CPQ: variants seen among roughly 807,000 people sequenced by gnomAD.
CPQ encodes Ser-Met dipeptidase.
Under a neutral mutation model 45.7 loss-of-function variants are expected in CPQ, and 37 were observed. The ratio of observed to expected loss-of-function variants is 0.81; its 90% CI spans 0.62 to 1.07. CPQ has a LOEUF of 1.07. Ranked by LOEUF, CPQ falls within the 50% of genes least tolerant of loss-of-function variation. CPQ has a pLI of 0.00. For synonymous variants in CPQ, 186 were observed against 205.8 expected, an observed-to-expected ratio of 0.90 and a Z score of 0.82; for missense variants, 537 against 572.9, an observed-to-expected ratio of 0.94 and a Z score of 0.64.
chr8:96,958,471 T>A (rs547788313), intron 4 of CPQ, among the ~76,000 whole-genome samples: 31 of 152,268 alleles, frequency 2.0e-4, no homozygotes, highest in Non-Finnish European at 3.5e-4. Flanking sequence ...TCCAGTTGCA[T>A]CAAATCATGA....
At chr8:96,921,362 G>C (rs943596582) in intron 4 of CPQ, among the ~76,000 whole-genome samples, 2 of 152,190 alleles carry the variant, frequency 1.3e-5, no homozygotes, top group Non-Finnish European at 2.9e-5. Context: ...TCTCAAAAGA[G>C]AGCATTTTTA....
chr8:96,724,609 C>G (rs1809811156), intron 1 of CPQ, among the ~76,000 whole-genome samples: 1 of 151,846 alleles, frequency 6.6e-6, no homozygotes, highest in Non-Finnish European at 1.5e-5. Context: ...TCATAGATAA[C>G]ATAAGCATAT....
intron 4 of CPQ, among the ~76,000 whole-genome samples, chr8:96,904,606 C>A (rs1488752626): frequency 6.6e-6 from 1 of 152,132 alleles, no homozygotes; most frequent in Non-Finnish European, 1.5e-5. Context: ...TGCTGATCAT[C>A]AGAATCACCA....
At chr8:96,735,080 C>G (rs1248506033) in intron 1 of CPQ, among the ~76,000 whole-genome samples, 2 of 152,038 alleles carry the variant, frequency 1.3e-5, no homozygotes, top group African/African-American at 4.8e-5. Context: ...CTTTTGGGCC[C>G]CATCCTGTAT....
chr8:96,813,489 T>G (rs1811185017), intron 2 of CPQ, among the ~76,000 whole-genome samples: 1 of 152,124 alleles, frequency 6.6e-6, no homozygotes, highest in South Asian at 2.1e-4. Context: ...TACTTATAGA[T>G]CAGAACATAT....
chr8:96,743,941 C>T (rs1386482869), intron 1 of CPQ, among the ~76,000 whole-genome samples: 1 of 152,180 alleles, frequency 6.6e-6, no homozygotes, highest in Non-Finnish European at 1.5e-5. Context: ...TTGTCTGTGC[C>T]CTGCCCCCAG....
intron 4 of CPQ, among the ~76,000 whole-genome samples, chr8:96,954,237 GA>G (rs1813315255): frequency 6.6e-6 from 1 of 151,480 alleles, no homozygotes; most frequent in African/African-American, 2.4e-5. Context: ...GCACAATTGA[GA>G]AAAAAAGTCC....
chr8:96,717,024 A>AATATATATATAT (rs58338307), intron 1 of CPQ, among the ~76,000 whole-genome samples: 34 of 56,552 alleles, frequency 6.0e-4, no homozygotes, highest in South Asian at 7.5e-4. Context: ...CCATGATATA[A>AATATATATATAT]ATATATATAT....
At chr8:97,043,339 G>T (rs1177644815) in intron 6 of CPQ, among the ~76,000 whole-genome samples, 2 of 150,828 alleles carry the variant, frequency 1.3e-5, no homozygotes, top group Non-Finnish European at 3.0e-5. Context: ...CATTTGCTTG[G>T]TAGATCTTCC....
chr8:97,074,402 C>T (rs918067963), intron 7 of CPQ, among the ~76,000 whole-genome samples: 3 of 152,132 alleles, frequency 2.0e-5, no homozygotes, highest in African/African-American at 7.2e-5. Context: ...AGAATAACTG[C>T]AGGGGCACAT....
chr8:96,888,936 G>A (rs571579985), intron 4 of CPQ, among the ~76,000 whole-genome samples: 49 of 152,296 alleles, frequency 3.2e-4, no homozygotes, highest in African/African-American at 1.2e-3. Flanking sequence ...AATAGCATGG[G>A]GTGGGCAGTA....
intron 6 of CPQ, among the ~76,000 whole-genome samples, chr8:97,037,481 T>C (rs890900611): frequency 3.9e-5 from 6 of 152,174 alleles, no homozygotes; most frequent in African/African-American, 1.4e-4. Context: ...TCAGAGGTGA[T>C]TGTCTCAATC....
At chr8:96,892,917 A>G (rs888571259) in intron 4 of CPQ, among the ~76,000 whole-genome samples, 1 of 152,222 alleles carries the variant, frequency 6.6e-6, no homozygotes, top group African/African-American at 2.4e-5. Flanking sequence ...GAGCCATTTA[A>G]TAATAATCAT....
intron 5 of CPQ, among the ~76,000 whole-genome samples, chr8:96,970,352 G>T (rs1288087698): frequency 1.3e-5 from 2 of 152,134 alleles, no homozygotes; most frequent in African/African-American, 4.8e-5. Flanking sequence ...AGCATTGACT[G>T]AAGATTACTA....
intron 7 of CPQ, among the ~76,000 whole-genome samples, chr8:97,070,275 A>G (rs1810717065): frequency 6.6e-6 from 1 of 152,102 alleles, no homozygotes; most frequent in Non-Finnish European, 1.5e-5. Flanking sequence ...CCAAATTTCT[A>G]ACGCGCTTCA....
rs1008958245 is a variant in CPQ, at chr8:96,753,271, A to C, written c.-34-31593A>C. Among the ~76,000 whole-genome samples, 4 of 152,096 alleles carry C rather than the reference A, an allele frequency of 2.6e-5. No homozygotes were observed. In the East Asian group the frequency reaches 7.7e-4, roughly 29 times the overall value. On this transcript the variant is annotated intron_variant, in intron 1 of 7. Coordinates refer to ENST00000220763, the MANE Select transcript of CPQ (RefSeq NM_016134.4). ...TTTTGTTGTGTTAATTCGTCTGTTGATTCTTATACCACCATTACACTATTT... is the reference window on the plus strand; with the variant it reads ...TTTTGTTGTGTTAATTCGTCTGTTGCTTCTTATACCACCATTACACTATTT...
intron 7 of CPQ, among the ~76,000 whole-genome samples, chr8:97,137,478 A>G (rs1798845404): frequency 6.6e-6 from 1 of 152,146 alleles, no homozygotes; most frequent in South Asian, 2.1e-4. Context: ...CATGAATTTG[A>G]CATTCACCTG....
intron 7 of CPQ, among the ~76,000 whole-genome samples, chr8:97,132,174 T>C (rs1416433794): frequency 6.6e-6 from 1 of 152,174 alleles, no homozygotes; most frequent in Non-Finnish European, 1.5e-5. Context: ...ATGTGGATGT[T>C]ATAAACTCAT....
intron 6 of CPQ, among the ~76,000 whole-genome samples, chr8:97,061,829 A>C (rs1417244499): frequency 6.6e-6 from 1 of 152,138 alleles, no homozygotes; most frequent in Non-Finnish European, 1.5e-5. Context: ...AGTGCTAGTT[A>C]TGCCCTAGCC....
Sources: allele counts gnomAD v4.1 joint callset (sites outside exome capture counted in the v4.1 genomes callset), GRCh38; gene constraint gnomAD v4.1.1; transcripts MANE v1.5; gene names NCBI Gene and HGNC (gene_info 2026-07-23, HGNC 2026-07-21).